DLG2: variants seen among roughly 807,000 people sequenced by gnomAD.
DLG2 encodes the protein disks large homolog 2.
Under a neutral mutation model 132.5 loss-of-function variants are expected in DLG2, and 45 were observed. That is an observed-to-expected ratio of 0.34 (90% CI 0.27 to 0.44). DLG2 has a LOEUF of 0.44. DLG2 is among the 20% of genes least tolerant of loss of function. The probability of loss-of-function intolerance (pLI) is 1.00; values close to 1 mark genes in which losing one functional copy is unlikely to be tolerated. For synonymous variants in DLG2, 424 were observed against 419.6 expected (o/e 1.01, Z -0.13); for missense variants, 1,045 against 1,196.9 (o/e 0.87, Z 1.87).
At chr11:85,438,813 C>T (rs887921358) in intron 3 of DLG2, among the ~76,000 whole-genome samples, 2 of 152,106 alleles carry the variant, frequency 1.3e-5, no homozygotes, top group African/African-American at 4.8e-5. Context: ...ACCTCTTGTC[C>T]TTTTATAACC....
intron 4 of DLG2, among the ~76,000 whole-genome samples, chr11:85,277,169 A>T (rs979563266): frequency 1.3e-5 from 2 of 152,262 alleles, no homozygotes; most frequent in African/African-American, 2.4e-5. Context: ...ATCTGTAAAA[A>T]ATGAAGATCA....
At chr11:84,513,597 T>C (rs2099263500) in intron 7 of DLG2, among the ~76,000 whole-genome samples, 1 of 152,038 alleles carries the variant, frequency 6.6e-6, no homozygotes, top group African/African-American at 2.4e-5. Flanking sequence ...AAAGGATTTC[T>C]TCAATAAAGG....
intron 3 of DLG2, among the ~76,000 whole-genome samples, chr11:85,522,655 A>G (rs2074409124): frequency 6.6e-6 from 1 of 152,214 alleles, no homozygotes; most frequent in Non-Finnish European, 1.5e-5. Flanking sequence ...CATCAGCATG[A>G]ACTGGATGTA....
rs562491637 is a variant in DLG2, at chr11:85,614,333, A to T, written c.-93+12254T>A. Among the ~76,000 whole-genome samples, 173 of 137,164 alleles carry T rather than the reference A, an allele frequency of 1.3e-3. 3 individuals are homozygous for T. Among genetic ancestry groups the T allele is most frequent in the East Asian group, 5.5e-3 (26 of 4,754 alleles). The allele number at this position is 137,164 out of a possible 152,430, so 90.0% of individuals were successfully genotyped here. A position where few individuals can be genotyped will look rare whatever the true frequency, so the allele number is the denominator to read the frequency against. On this transcript the variant is annotated intron_variant, in intron 2 of 27. Transcript: ENST00000376104. Reference sequence around the variant, plus strand: ...TTGAACCAGGTTTTTTTTTTTTTTTAAAAATTAACATTAAAATGTATAGTT... The same window carrying T: ...TTGAACCAGGTTTTTTTTTTTTTTTTAAAATTAACATTAAAATGTATAGTT...
chr11:84,654,341 C>G (rs745551666), intron 6 of DLG2, among the ~76,000 whole-genome samples: 4 of 152,110 alleles, frequency 2.6e-5, no homozygotes, highest in Non-Finnish European at 5.9e-5. Flanking sequence ...CCTTTAAATG[C>G]CCTACATCAT....
At chr11:85,084,284 T>C (rs559617984) in intron 6 of DLG2, among the ~76,000 whole-genome samples, 1 of 152,074 alleles carries the variant, frequency 6.6e-6, no homozygotes, top group African/African-American at 2.4e-5. Context: ...GCACACGAGG[T>C]ATGGGAAGTG....
intron 6 of DLG2, among the ~76,000 whole-genome samples, chr11:84,611,446 G>C (rs2099595427): frequency 6.6e-6 from 1 of 152,058 alleles, no homozygotes; most frequent in Non-Finnish European, 1.5e-5. Flanking sequence ...AACAGAGACA[G>C]TTCATGAGGT....
intron 6 of DLG2, among the ~76,000 whole-genome samples, chr11:85,077,658 G>A (rs1274950715): frequency 1.3e-5 from 2 of 151,866 alleles, no homozygotes; most frequent in Non-Finnish European, 2.9e-5. Flanking sequence ...AATGAAAAAT[G>A]TGCTACTGCA....
chr11:84,224,060 C>T (rs1285811824), intron 8 of DLG2, among the ~76,000 whole-genome samples: 1 of 152,192 alleles, frequency 6.6e-6, no homozygotes, highest in Admixed American at 6.5e-5. Context: ...TGCTTCCCCA[C>T]CCATGCAACT....
At chr11:85,583,130 G>GTGTTTATATATATA (rs1555190569) in intron 3 of DLG2, among the ~76,000 whole-genome samples, 1 of 13,606 alleles carries the variant, frequency 7.3e-5, no homozygotes, top group Non-Finnish European at 1.6e-4. Context: ...GTGTGTGTGT[G>GTGTTTATATATATA]TATATATATA....
intron 4 of DLG2, among the ~76,000 whole-genome samples, chr11:85,184,155 G>C (rs958951531): frequency 2.0e-5 from 3 of 151,778 alleles, no homozygotes; most frequent in African/African-American, 7.3e-5. Context: ...ATTATGTTTA[G>C]AGCTGGAAGG....
In DLG2 at chr11:83,842,849, C is replaced by T. The variant is rs2057910523; in HGVS notation, c.1566-9079G>A. On this transcript the variant is annotated intron_variant, in intron 16 of 27. Transcript: ENST00000376104. ...AAAAAAAAAAGAAGGAAAATTACTACTTACACTGAAGTCTTTCTCATGGCC... is the reference window on the plus strand; with the variant it reads ...AAAAAAAAAAGAAGGAAAATTACTATTTACACTGAAGTCTTTCTCATGGCC... 2.7e-5 allele frequency among the ~76,000 whole-genome samples: 4 copies of T among 150,720 alleles called. No homozygotes were observed. The South Asian group carries it at 8.4e-4, about 32-fold the overall frequency.
At chr11:83,828,251 G>A (rs539688700) in intron 17 of DLG2, among the ~76,000 whole-genome samples, 1 of 152,220 alleles carries the variant, frequency 6.6e-6, no homozygotes, top group Admixed American at 6.5e-5. Context: ...AAATTAGCTG[G>A]GCAGAGTGGC....
intron 3 of DLG2, among the ~76,000 whole-genome samples, chr11:85,588,986 C>T (rs1232735656): frequency 6.6e-6 from 1 of 152,102 alleles, no homozygotes; most frequent in Non-Finnish European, 1.5e-5. Flanking sequence ...CGAGCTGGTG[C>T]TGGGGAATGT....
At chr11:84,846,960 T>A (rs2081551183) in intron 6 of DLG2, among the ~76,000 whole-genome samples, 1 of 152,128 alleles carries the variant, frequency 6.6e-6, no homozygotes, top group African/African-American at 2.4e-5. Context: ...CATCTCAGCA[T>A]CACAGTCAGG....
At position 83,627,247 on chromosome 11, in the gene DLG2, T is replaced by A. The variant is rs200330923; in HGVS notation, c.1940+5964A>T. Reference sequence around the variant, plus strand: ...TATACTTTAACTTTTAGGGTACATGTGCACAACATGCAGGTTTGTTACATA... The same window carrying A: ...TATACTTTAACTTTTAGGGTACATGAGCACAACATGCAGGTTTGTTACATA... On this transcript the variant is annotated intron_variant, in intron 19 of 27. Transcript: ENST00000376104. 1.3e-5 allele frequency among the ~76,000 whole-genome samples: 2 copies of A among 152,090 alleles called. 1 individual carries two copies. Among genetic ancestry groups the A allele is most frequent in the South Asian group, 4.1e-4 (2 of 4,834 alleles).
At chr11:84,358,570 T>C (rs2098631553) in intron 7 of DLG2, among the ~76,000 whole-genome samples, 1 of 151,650 alleles carries the variant, frequency 6.6e-6, no homozygotes, top group South Asian at 2.1e-4. Context: ...TCTCTCTAGG[T>C]TATTTGGAAA....
chr11:84,488,398 A>G (rs2099156275), intron 7 of DLG2, among the ~76,000 whole-genome samples: 1 of 152,116 alleles, frequency 6.6e-6, no homozygotes, highest in African/African-American at 2.4e-5. Flanking sequence ...GCCTTAGTTG[A>G]TGGCCATGGT....
At chr11:84,596,995 C>T (rs567504789) in intron 6 of DLG2, among the ~76,000 whole-genome samples, 4 of 152,126 alleles carry the variant, frequency 2.6e-5, no homozygotes, top group South Asian at 2.1e-4. Context: ...CTAAGGCGGG[C>T]GGATCACCTG....
Sources: gnomAD v4.1 joint callset for allele counts (sites outside exome capture counted in the v4.1 genomes callset) on GRCh38, gnomAD v4.1.1 for gene constraint, MANE v1.5 for transcripts, NCBI Gene and HGNC (gene_info 2026-07-23, HGNC 2026-07-21) for gene names.